PPP3CB: variants seen among roughly 807,000 people sequenced by gnomAD.
PPP3CB encodes protein phosphatase 3 catalytic subunit beta, also known as serine/threonine-protein phosphatase 2B catalytic subunit beta isoform.
Under a neutral mutation model 66.4 loss-of-function variants are expected in PPP3CB, and 8 were observed. That is an observed-to-expected ratio of 0.12 (90% confidence interval 0.07 to 0.22). The LOEUF is 0.22. Ranked by LOEUF, PPP3CB falls within the 10% of genes least tolerant of loss-of-function variation. The pLI, the probability that PPP3CB is intolerant of heterozygous loss-of-function variation, is 1.00. For missense variants in PPP3CB, 319 were observed against 642.5 expected, an observed-to-expected ratio of 0.50 and a Z score of 5.44; for synonymous variants, 208 against 221.2, an observed-to-expected ratio of 0.94 and a Z score of 0.53.
At chr10:73,474,072 C>T (rs980313771) in intron 4 of PPP3CB, among the ~76,000 whole-genome samples, 5 of 151,702 alleles carry the variant, frequency 3.3e-5, no homozygotes, top group Non-Finnish European at 5.9e-5. Flanking sequence ...GACAGAGTTT[C>T]GCTCTTGTTG....
intron 4 of PPP3CB, among the ~76,000 whole-genome samples, chr10:73,474,321 G>A (rs111835634): frequency 7.9e-5 from 12 of 151,944 alleles, no homozygotes; most frequent in Non-Finnish European, 4.4e-5. Flanking sequence ...GATTACAAGC[G>A]TGAGCTACCG....
At chr10:73,478,249 C>T (rs2056822171) in intron 3 of PPP3CB, among the ~76,000 whole-genome samples, 2 of 152,036 alleles carry the variant, frequency 1.3e-5, no homozygotes, top group African/African-American at 4.8e-5. Context: ...AATAAAGACC[C>T]CTCAGTCAGC....
chr10:73,456,196 A>G (rs894785517), intron 9 of PPP3CB, among the ~76,000 whole-genome samples: 21 of 152,216 alleles, frequency 1.4e-4, no homozygotes, highest in African/African-American at 4.8e-4. Context: ...AAAGCACCCC[A>G]CATGTCAAGT....
chr10:73,470,303 T>C lies in PPP3CB; in HGVS notation c.982+384A>G, dbSNP rs1002723256. Among the ~76,000 whole-genome samples, 5 of 151,984 alleles carry C rather than the reference T, an allele frequency of 3.3e-5. No individual in the cohort carries two copies. In the East Asian group the frequency reaches 9.7e-4, roughly 29 times the overall value. On this transcript the variant is annotated intron_variant, in intron 8 of 13. Transcript: ENST00000360663. ...ATCAGTGAACATAAAACAAGAAACA[T>C]GATAAACTAAACAAGTAGACAGTGC...
At chr10:73,454,588 C>G in intron 9 of PPP3CB, 99 bp from the exon 10 acceptor site, 2 of 713,150 alleles carry the variant, frequency 2.8e-6, no homozygotes, top group East Asian at 2.9e-5. Context: ...AATGTTTAGC[C>G]CAAGAAAGCA....
intron 10 of PPP3CB, among the ~76,000 whole-genome samples, chr10:73,449,861 T>C (rs1454690316): frequency 2.6e-5 from 4 of 152,060 alleles, no homozygotes; most frequent in Non-Finnish European, 5.9e-5. Context: ...AATGGGGTGA[T>C]CTCGGCTCAC....
At position 73,479,943 on chromosome 10, in the gene PPP3CB, C is replaced by T. The variant is rs532218524; in HGVS notation, c.86-426G>A. 3.5e-3 allele frequency among the ~76,000 whole-genome samples: 538 copies of T among 152,194 alleles called. 1 individual carries two copies. Among genetic ancestry groups the T allele is most frequent in the Middle Eastern group, 0.01 (3 of 294 alleles). ...TTCGTAGGCTGGGGCAGGAGGATCA[C>T]TTGAGGCCAGAAATTGGAGACCAGC... On this transcript the variant is annotated intron_variant, in intron 1 of 13. Coordinates refer to ENST00000360663, the MANE Select transcript of PPP3CB (RefSeq NM_021132.4).
intron 10 of PPP3CB, among the ~76,000 whole-genome samples, chr10:73,451,056 T>C (rs944271436): frequency 6.6e-6 from 1 of 152,116 alleles, no homozygotes; most frequent in Non-Finnish European, 1.5e-5. Context: ...TCTTTATTCA[T>C]ATAAATCATA....
At chr10:73,445,295 C>T (rs2056228552) in intron 11 of PPP3CB, among the ~76,000 whole-genome samples, 1 of 152,084 alleles carries the variant, frequency 6.6e-6, no homozygotes, top group Non-Finnish European at 1.5e-5. Flanking sequence ...AAAAGTATCC[C>T]CTCCTTCTTA....
intron 8 of PPP3CB, 77 bp downstream of exon 8, chr10:73,470,608 ACC>A (rs1342020864): frequency 7.4e-6 from 6 of 810,302 alleles, no homozygotes; most frequent in Non-Finnish European, 1.1e-5. Flanking sequence ...TTCAAACAAC[ACC>A]CCTTTTTTAT....
In PPP3CB at chr10:73,479,430, T is replaced by C; in HGVS notation, c.173A>G (p.His58Arg). 1 of 1,614,142 alleles carries C rather than the reference T, an allele frequency of 6.2e-7. No individual in the cohort carries two copies. The highest frequency in any genetic ancestry group is 8.5e-7 in the Non-Finnish European group (1 of 1,179,980). ...GIPRVDVLKN[H>R]LVKEGRVDEE... ...ATCTACTCGACCTTCTTTCACCAAG[T>C]GGTTCTTCAGAACATCAACCCTGGG... The change falls in exon 2 of 14, where the codon CAC (histidine) becomes CGC (arginine). Residue 58 changes from histidine to arginine, a missense_variant. By Grantham distance (29) the His-to-Arg change is conservative. This residue lies in a region of PPP3CB where 104 missense variants were observed against 128.4 expected (regional missense o/e 0.81). Coordinates refer to ENST00000360663, the MANE Select transcript of PPP3CB (RefSeq NM_021132.4).
At chr10:73,489,613 G>C (rs2057040008) in intron 1 of PPP3CB, among the ~76,000 whole-genome samples, 1 of 152,214 alleles carries the variant, frequency 6.6e-6, no homozygotes. Context: ...ATGGCAAGAA[G>C]GTTATTAAGT....
At chr10:73,460,163 G>A (rs927192202) in intron 9 of PPP3CB, among the ~76,000 whole-genome samples, 39 of 148,496 alleles carry the variant, frequency 2.6e-4, no homozygotes, top group African/African-American at 9.5e-4. Context: ...GGTTTATCTC[G>A]AAAGCTACAT....
At chr10:73,464,960 A>G (rs575643425) in intron 9 of PPP3CB, among the ~76,000 whole-genome samples, 5 of 152,204 alleles carry the variant, frequency 3.3e-5, no homozygotes, top group African/African-American at 9.6e-5. Flanking sequence ...AAAAAAAAAA[A>G]AATTAATAAA....
rs367544796 is a variant in PPP3CB at position 73,455,047 on chromosome 10, AT to A, written c.1109-559del. On this transcript the variant is annotated intron_variant, in intron 9 of 13. Coordinates refer to ENST00000360663, the MANE Select transcript of PPP3CB (RefSeq NM_021132.4). ...ATCGTCATGCCCAGCTAATTTTTGT[AT>A]TTTTTTTTTTTCTTTTAGTAGAGAT... Among the ~76,000 whole-genome samples the A allele has an allele frequency of 8.5e-3, 1,200 of 140,936 alleles. 6 individuals carry two copies. The highest frequency in any genetic ancestry group is 0.025 in the Middle Eastern group (7 of 280). 92.5% of individuals were successfully genotyped at this position (140,936 alleles called of 152,430 possible). A position where few individuals can be genotyped will look rare whatever the true frequency, so the allele number is the denominator to read the frequency against.
chr10:73,444,949 T>A (rs1554821789), intron 11 of PPP3CB, 127 bp from the exon 12 acceptor site: 1 of 975,204 alleles, frequency 1.0e-6, no homozygotes, highest in Non-Finnish European at 1.5e-6. Flanking sequence ...CATATTTTCC[T>A]CAATTTCAAG....
At chr10:73,473,146 CTTATCT>C (rs971412696) in intron 4 of PPP3CB, among the ~76,000 whole-genome samples, 8 of 152,114 alleles carry the variant, frequency 5.3e-5, no homozygotes, top group Non-Finnish European at 7.4e-5. Flanking sequence ...CTTTCCAGGT[CTTATCT>C]TACTCATTTA....
intron 1 of PPP3CB, among the ~76,000 whole-genome samples, chr10:73,482,165 G>A (rs2056889576): frequency 6.6e-6 from 1 of 151,256 alleles, no homozygotes; most frequent in South Asian, 2.1e-4. Context: ...AAATTTCTGA[G>A]ATCAAGATAG....
At chr10:73,476,767 T>A (rs2056796109) in intron 3 of PPP3CB, among the ~76,000 whole-genome samples, 1 of 152,210 alleles carries the variant, frequency 6.6e-6, no homozygotes, top group Non-Finnish European at 1.5e-5. Flanking sequence ...TGGGCCATTT[T>A]CTGATTTGCC....
Sources: allele counts gnomAD v4.1 joint callset (sites outside exome capture counted in the v4.1 genomes callset), GRCh38; gene constraint gnomAD v4.1.1; regional missense constraint gnomAD v4.1.1; transcripts MANE v1.5; gene names NCBI Gene and HGNC (gene_info 2026-07-23, HGNC 2026-07-21).